NAV3: variants seen among roughly 807,000 people sequenced by gnomAD.
NAV3 encodes pore membrane and/or filament interacting like protein 1.
NAV3 carries 87 observed loss-of-function variants against 244.7 expected under a neutral mutation model. The ratio of observed to expected loss-of-function variants is 0.36; its 90% confidence interval spans 0.30 to 0.42. NAV3 has a LOEUF of 0.42. Ranked by LOEUF, NAV3 falls within the 20% of genes least tolerant of loss-of-function variation. The pLI is 1.00. For missense variants in NAV3, 2,663 were observed against 2,893.3 expected (o/e 0.92, Z 1.83); for synonymous variants, 1,126 against 1,042.2 (o/e 1.08, Z -1.55).
At position 78,159,585 on chromosome 12, in the gene NAV3, C is replaced by G. The variant is rs372505061; in HGVS notation, c.4869+299C>G. On this transcript the variant is annotated intron_variant, in intron 23 of 39. Transcript: ENST00000397909. ...GCAGGAGGCTGAGGCAGGAGAATCA[C>G]TTGAACCCAGGAGGCAGAGGACGCA... is the stretch of plus-strand genomic sequence containing the variant. Among the ~76,000 whole-genome samples, 105 of 152,116 alleles carry G rather than the reference C, an allele frequency of 6.9e-4. 1 individual carries two copies. Among genetic ancestry groups the G allele is most frequent in the African/African-American group, 2.4e-3 (99 of 41,482 alleles).
intron 1 of NAV3, among the ~76,000 whole-genome samples, chr12:77,917,073 A>G (rs1280333001): frequency 6.6e-6 from 1 of 152,008 alleles, no homozygotes; most frequent in African/African-American, 2.4e-5. Flanking sequence ...GAAAACTAGC[A>G]ATGTAAAAAT....
At chr12:78,201,481 T>C (rs1959695606) in intron 38 of NAV3, among the ~76,000 whole-genome samples, 1 of 152,036 alleles carries the variant, frequency 6.6e-6, no homozygotes, top group Admixed American at 6.6e-5. Context: ...TTTCACAGCA[T>C]CTTTGCTCTT....
chr12:77,887,764 A>T (rs762635233), intron 1 of NAV3, among the ~76,000 whole-genome samples: 1 of 152,182 alleles, frequency 6.6e-6, no homozygotes, highest in South Asian at 2.1e-4. Context: ...AAAAGTAAGT[A>T]GTAAACTGTA....
Position 78,119,842 on chromosome 12 carries a change from G to A in NAV3, c.3646G>A (p.Gly1216Ser), listed in dbSNP as rs2138635535. The A allele has an allele frequency of 3.7e-6, 6 of 1,614,118 alleles. No homozygotes were observed. The highest frequency in any genetic ancestry group is 5.1e-6 in the Non-Finnish European group (6 of 1,180,026). ...AGATTCAGAAAGTGTTTCTTTGTCA[G>A]GTTCCCCCAAATCCAGCCCCACCTC... ...VSDSESVSLSGSPKSSPTSAS... is the reference protein window; with the variant it reads ...VSDSESVSLSSSPKSSPTSAS... Residue 1216 changes from glycine (G) to serine (S), a missense_variant, in exon 15 of 40, where the codon GGT becomes AGT. Gly to Ser is a moderately conservative substitution (Grantham distance 56, BLOSUM62 0). Coordinates refer to ENST00000397909, the MANE Select transcript of NAV3 (RefSeq NM_001024383.2).
chr12:78,008,535 T>G, intron 8 of NAV3, among the ~76,000 whole-genome samples: 1 of 152,068 alleles, frequency 6.6e-6, no homozygotes, highest in Admixed American at 6.6e-5. Context: ...GAAAGAAAAT[T>G]TTATGAATAG....
At position 78,045,857 on chromosome 12, in the gene NAV3, G is replaced by T. The variant is rs186692148; in HGVS notation, c.2024-4136G>T. Among the ~76,000 whole-genome samples, 128 of 152,232 alleles carry T rather than the reference G, an allele frequency of 8.4e-4. 2 individuals are homozygous for T. The highest frequency in any genetic ancestry group is 2.4e-3 in the African/African-American group (100 of 41,542). On this transcript the variant is annotated intron_variant, in intron 9 of 39. Transcript: ENST00000397909. ...TAGAATTCGACTGTGAATCTGTCTG[G>T]TCCTGGGCATTTTTTTGGTTGGTAG...
chr12:77,915,328 T>C (rs533107659), intron 1 of NAV3, among the ~76,000 whole-genome samples: 2 of 152,144 alleles, frequency 1.3e-5, no homozygotes, highest in South Asian at 4.1e-4. Flanking sequence ...AAACCTAACA[T>C]TTATATAATG....
intron 2 of NAV3, among the ~76,000 whole-genome samples, chr12:77,727,535 A>G (rs1471508435): frequency 1.3e-5 from 2 of 151,986 alleles, no homozygotes; most frequent in African/African-American, 4.8e-5. Context: ...ACGTAAGTGA[A>G]AAACAGGCAG....
chr12:77,659,366 C>T (rs368317200), intron 2 of NAV3, among the ~76,000 whole-genome samples: 3 of 151,944 alleles, frequency 2.0e-5, no homozygotes, highest in Admixed American at 1.3e-4. Context: ...AAAATGCTCA[C>T]CATCACTGGC....
chr12:77,696,921 C>T (rs1405888), intron 2 of NAV3, among the ~76,000 whole-genome samples: 2 of 152,086 alleles, frequency 1.3e-5, no homozygotes, highest in African/African-American at 2.4e-5. Flanking sequence ...CAAAATCTTA[C>T]GCTTCTATAG....
At chr12:78,093,375 T>C (rs1163437679) in intron 12 of NAV3, among the ~76,000 whole-genome samples, 1 of 152,212 alleles carries the variant, frequency 6.6e-6, no homozygotes, top group African/African-American at 2.4e-5. Flanking sequence ...CAGCAATTAG[T>C]ACAGAGCCAG....
At chr12:77,868,898 C>T (rs545168530) in intron 1 of NAV3, among the ~76,000 whole-genome samples, 1 of 152,000 alleles carries the variant, frequency 6.6e-6, no homozygotes, top group African/African-American at 2.4e-5. Context: ...AGTGAAACCC[C>T]GTCTCTACTA....
chr12:77,662,156 T>C (rs190684816), intron 2 of NAV3, among the ~76,000 whole-genome samples: 16 of 152,094 alleles, frequency 1.1e-4, no homozygotes, highest in Non-Finnish European at 4.4e-5. Context: ...CTTAACGATA[T>C]TGAGTCTTGA....
chr12:78,149,766 T>C (rs1391430866), intron 22 of NAV3, among the ~76,000 whole-genome samples: 1 of 152,064 alleles, frequency 6.6e-6, no homozygotes, highest in Non-Finnish European at 1.5e-5. Flanking sequence ...TACTGAGTTT[T>C]TCTATCTCCT....
chr12:77,897,696 T>A (rs1884786646), intron 1 of NAV3, among the ~76,000 whole-genome samples: 1 of 152,040 alleles, frequency 6.6e-6, no homozygotes, highest in African/African-American at 2.4e-5. Context: ...TTGTCTTTTT[T>A]TTTTTTCTTT....
chr12:77,958,890 A>G (rs192764094), intron 3 of NAV3, among the ~76,000 whole-genome samples: 1 of 152,148 alleles, frequency 6.6e-6, no homozygotes, highest in Non-Finnish European at 1.5e-5. Context: ...GTGACTGTCC[A>G]TAAGCTACAG....
chr12:78,051,049 C>G lies in NAV3; in HGVS notation c.2418C>G (p.Ser806Arg), dbSNP rs1176370070. 1.9e-6 allele frequency: 3 copies of G among 1,614,002 alleles called. No homozygotes were observed. Among genetic ancestry groups the G allele is most frequent in the South Asian group, 2.2e-5 (2 of 91,086 alleles). The change falls in exon 11 of 40, where the codon AGC (serine) becomes AGG (arginine). Residue 806 changes from serine (S) to arginine (R), a missense_variant. Coordinates refer to ENST00000397909, the MANE Select transcript of NAV3 (RefSeq NM_001024383.2). The part of the protein sequence containing the change: ...MSQIDMSEKA[S>R]SDLDMSSEVD... The stretch of plus-strand genomic sequence containing the variant: ...AGATTGACATGAGTGAGAAAGCAAG[C>G]AGTGACCTGGACATGTCTTCTGAGG...
At chr12:77,893,044 T>C (rs1255250762) in intron 1 of NAV3, among the ~76,000 whole-genome samples, 2 of 152,186 alleles carry the variant, frequency 1.3e-5, no homozygotes, top group African/African-American at 2.4e-5. Flanking sequence ...ATGTTAGGTT[T>C]CTGAAGAACA....
chr12:77,964,639 GAATT>G (rs1565966187), intron 3 of NAV3, among the ~76,000 whole-genome samples: 1 of 152,120 alleles, frequency 6.6e-6, no homozygotes, highest in Non-Finnish European at 1.5e-5. Context: ...AGAAAGGAAA[GAATT>G]AATATATATT....
Sources: gnomAD v4.1 joint callset for allele counts (sites outside exome capture counted in the v4.1 genomes callset) on GRCh38, gnomAD v4.1.1 for gene constraint, MANE v1.5 for transcripts, NCBI Gene and HGNC (gene_info 2026-07-23, HGNC 2026-07-21) for gene names.